Variants in ARHGAP28 observed in about 807,000 individuals in gnomAD.
ARHGAP28 encodes the protein Rho GTPase activating protein 28.
In ARHGAP28, 56 loss-of-function variants were observed where a neutral mutation model predicts 90.7. The observed-to-expected ratio is 0.62, with a 90% CI of 0.50 to 0.77. ARHGAP28 has a LOEUF of 0.77. Among genes scored for constraint, ARHGAP28 ranks in the 30% least tolerant of loss-of-function variants. ARHGAP28 has a pLI of 0.00. For missense variants in ARHGAP28, 869 were observed against 900.9 expected, an observed-to-expected ratio of 0.96 and a Z score of 0.45; for synonymous variants, 308 against 323.3, an observed-to-expected ratio of 0.95 and a Z score of 0.51.
intron 16 of ARHGAP28, among the ~76,000 whole-genome samples, chr18:6,906,720 A>G (rs751460086): frequency 1.3e-5 from 2 of 152,204 alleles, no homozygotes; most frequent in Non-Finnish European, 2.9e-5. Context: ...ATCTAAAACT[A>G]AAGAGTTCTT....
At chr18:6,884,779 T>G (rs1176495528) in intron 11 of ARHGAP28, among the ~76,000 whole-genome samples, 2 of 152,182 alleles carry the variant, frequency 1.3e-5, no homozygotes, top group African/African-American at 4.8e-5. Context: ...GATCACTCAT[T>G]TGTTTTTGTT....
chr18:6,826,780 G>A (rs2056667535), intron 2 of ARHGAP28, among the ~76,000 whole-genome samples: 1 of 149,206 alleles, frequency 6.7e-6, no homozygotes. Flanking sequence ...GGGAAGGTCA[G>A]CAGATAAACA....
intron 12 of ARHGAP28, among the ~76,000 whole-genome samples, 193 bp downstream of exon 12, chr18:6,887,432 T>TA (rs1555635444): frequency 2.7e-5 from 4 of 148,304 alleles, no homozygotes; most frequent in African/African-American, 9.9e-5. Flanking sequence ...GGTATCTTGT[T>TA]TTTTTTTTTT....
intron 4 of ARHGAP28, among the ~76,000 whole-genome samples, chr18:6,854,681 C>G (rs555596117): frequency 9.9e-5 from 15 of 152,214 alleles, no homozygotes; most frequent in African/African-American, 3.4e-4. Context: ...GAGCCAGGAA[C>G]AGGTGGGAGC....
At chr18:6,799,644 T>C (rs2056467658) in intron 1 of ARHGAP28, among the ~76,000 whole-genome samples, 1 of 152,218 alleles carries the variant, frequency 6.6e-6, no homozygotes, top group Non-Finnish European at 1.5e-5. Context: ...GGATTCCCTG[T>C]TTAATAAATG....
At chr18:6,846,396 G>C (rs556010953) in intron 3 of ARHGAP28, among the ~76,000 whole-genome samples, 2 of 152,266 alleles carry the variant, frequency 1.3e-5, no homozygotes, top group Admixed American at 1.3e-4. Flanking sequence ...TCTCTCCTAA[G>C]AGTCTGCTGA....
chr18:6,875,236 C>T (rs1341274721), intron 9 of ARHGAP28, among the ~76,000 whole-genome samples: 1 of 152,190 alleles, frequency 6.6e-6, no homozygotes, highest in Admixed American at 6.5e-5. Context: ...GCTGTTATTA[C>T]TACTGGATGT....
chr18:6,895,565 G>A (rs952220932), intron 15 of ARHGAP28, among the ~76,000 whole-genome samples: 5 of 152,184 alleles, frequency 3.3e-5, no homozygotes, highest in Admixed American at 1.3e-4. Context: ...CACTTTTGGC[G>A]ATGCCAGTAA....
intron 1 of ARHGAP28, among the ~76,000 whole-genome samples, chr18:6,796,782 G>A (rs938119027): frequency 7.2e-5 from 11 of 152,082 alleles, no homozygotes; most frequent in African/African-American, 2.2e-4. Flanking sequence ...CCTATTAGTC[G>A]AAAATGAACT....
intron 1 of ARHGAP28, among the ~76,000 whole-genome samples, chr18:6,796,989 G>A (rs964440684): frequency 2.0e-5 from 3 of 152,180 alleles, no homozygotes; most frequent in African/African-American, 4.8e-5. Context: ...TTGAAATTAG[G>A]TTAGTCTAGA....
At chr18:6,742,993 G>A (rs2055992221) in intron 1 of ARHGAP28, among the ~76,000 whole-genome samples, 1 of 152,070 alleles carries the variant, frequency 6.6e-6, no homozygotes, top group South Asian at 2.1e-4. Context: ...TGCTATTGTG[G>A]GTTTAATAGA....
chr18:6,841,257 C>T (rs996189213), intron 3 of ARHGAP28, among the ~76,000 whole-genome samples: 1 of 142,842 alleles, frequency 7.0e-6, no homozygotes, highest in Non-Finnish European at 1.5e-5. Context: ...GTGTGTCTCC[C>T]TCCCTATCCC....
At chr18:6,808,897 G>C (rs990178042) in intron 1 of ARHGAP28, among the ~76,000 whole-genome samples, 3 of 152,202 alleles carry the variant, frequency 2.0e-5, no homozygotes, top group Non-Finnish European at 4.4e-5. Flanking sequence ...TTCAACTCAT[G>C]CAGCCCTGAT....
At chr18:6,737,528 A>G (rs1315097400) in intron 1 of ARHGAP28, among the ~76,000 whole-genome samples, 1 of 152,180 alleles carries the variant, frequency 6.6e-6, no homozygotes, top group East Asian at 1.9e-4. Flanking sequence ...CAACTATGTA[A>G]AGGCAATGCT....
intron 2 of ARHGAP28, among the ~76,000 whole-genome samples, chr18:6,827,333 C>T (rs1034417202): frequency 6.7e-6 from 1 of 149,128 alleles, no homozygotes; most frequent in African/African-American, 2.5e-5. Context: ...CCTCCACCTC[C>T]CTCCCGGACG....
Position 6,800,433 on chromosome 18 carries a change from A to G in ARHGAP28, c.123-24329A>G, listed in dbSNP as rs531362232. Among the ~76,000 whole-genome samples, 105 of 152,368 alleles carry G rather than the reference A, an allele frequency of 6.9e-4. No individual in the cohort carries two copies. In the Middle Eastern group the frequency reaches 0.014, roughly 20 times the overall value. On this transcript the variant is annotated intron_variant, in intron 1 of 17. Transcript: ENST00000383472. ...ACATATATTTATTGCAGCACTGTTCACAAAAGCAAAGACTTGGAACCAACC... is the reference window on the plus strand; with the variant it reads ...ACATATATTTATTGCAGCACTGTTCGCAAAAGCAAAGACTTGGAACCAACC...
At chr18:6,806,711 T>C (rs1017597485) in intron 1 of ARHGAP28, among the ~76,000 whole-genome samples, 1 of 152,126 alleles carries the variant, frequency 6.6e-6, no homozygotes, top group Admixed American at 6.5e-5. Context: ...CCTTATGCTC[T>C]TCATTCTCAT....
At chr18:6,772,552 A>C (rs1401042779) in intron 1 of ARHGAP28, among the ~76,000 whole-genome samples, 1 of 152,196 alleles carries the variant, frequency 6.6e-6, no homozygotes, top group Non-Finnish European at 1.5e-5. Flanking sequence ...TGAGATATTC[A>C]ACACTTTATT....
chr18:6,882,424 A>T, intron 11 of ARHGAP28, 125 bp downstream of exon 11: 1 of 907,022 alleles, frequency 1.1e-6, no homozygotes, highest in South Asian at 2.3e-5. Flanking sequence ...TGCTTGGTGG[A>T]ATATTAAGTT....
Sources: allele counts gnomAD v4.1 joint callset (sites outside exome capture counted in the v4.1 genomes callset), GRCh38; gene constraint gnomAD v4.1.1; transcripts MANE v1.5; gene names NCBI Gene and HGNC (gene_info 2026-07-23, HGNC 2026-07-21).